CASR: variants seen among roughly 807,000 people sequenced by gnomAD.
CASR encodes calcium sensing receptor.
In CASR, 23 loss-of-function variants were observed where a neutral mutation model predicts 69.1. The observed-to-expected ratio is 0.33, with a 90% confidence interval of 0.24 to 0.47. The LOEUF (loss-of-function observed/expected upper bound fraction) is 0.47, where lower values mean the gene tolerates loss of function less well. Among genes scored for constraint, CASR ranks in the 20% least tolerant of loss-of-function variants. The probability of loss-of-function intolerance (pLI) is 1.00; values close to 1 mark genes in which losing one functional copy is unlikely to be tolerated. For missense variants in CASR, 924 were observed against 1,356.1 expected (o/e 0.68, Z 5.00); for synonymous variants, 541 against 544.7 (o/e 0.99, Z 0.10).
At chr3:122,276,808 C>T (rs1174808500) in intron 5 of CASR, among the ~76,000 whole-genome samples, 1 of 152,096 alleles carries the variant, frequency 6.6e-6, no homozygotes, top group Non-Finnish European at 1.5e-5. Flanking sequence ...AACCAGAAGC[C>T]CACCCCTCAG....
Position 122,291,127 on chromosome 3 carries a change from C to CTATAT in CASR, c.*5936_*5937insTATAT, listed in dbSNP as rs2075009041. On this transcript the variant is annotated 3_prime_UTR_variant, in exon 7 of 7. Coordinates refer to ENST00000639785, the MANE Select transcript of CASR (RefSeq NM_000388.4). ...GCCACATTTTCTTAATCCAGTCTATCGTTGTTGGACATTTGGGTTGGTTCC... is the reference window on the plus strand; with the variant it reads ...GCCACATTTTCTTAATCCAGTCTATCTATATGTTGTTGGACATTTGGGTTGGTTCC... 1.4e-5 allele frequency: 2 copies of CTATAT among 139,542 alleles called. No individual in the cohort carries two copies. The highest frequency in any genetic ancestry group is 3.1e-5 in the Non-Finnish European group (2 of 63,874). 8.6% of individuals were successfully genotyped at this position (139,542 alleles called of 1,614,324 possible).
chr3:122,282,203 G>C lies in CASR; in HGVS notation c.1699G>C (p.Glu567Gln). The part of the protein sequence containing the change: ...GEPTCCFECV[E>Q]CPDGEYSDET... The stretch of plus-strand genomic sequence containing the variant: ...GCCCACCTGCTGCTTTGAGTGTGTG[G>C]AGTGTCCTGATGGGGAGTATAGTGA... Residue 567 changes from glutamate (E) to glutamine (Q), a missense_variant, in exon 6 of 7, where the codon GAG (glutamate) becomes CAG (glutamine). Around this residue, in one of 8 missense-constraint regions of CASR, gnomAD observed 18 missense variants for 57.9 expected, o/e 0.31. Coordinates refer to ENST00000639785, the MANE Select transcript of CASR (RefSeq NM_000388.4). The C allele has an allele frequency of 1.2e-6, 2 of 1,614,198 alleles. No homozygotes were observed. The highest frequency in any genetic ancestry group is 1.7e-6 in the Non-Finnish European group (2 of 1,180,028).
intron 1 of CASR, among the ~76,000 whole-genome samples, chr3:122,189,165 A>T (rs376401084): frequency 6.6e-6 from 1 of 152,236 alleles, no homozygotes; most frequent in Admixed American, 6.5e-5. Context: ...TGCCGTGGAC[A>T]GTCTAGTTTG....
chr3:122,215,012 G>C (rs2074103176), intron 1 of CASR, among the ~76,000 whole-genome samples: 1 of 152,240 alleles, frequency 6.6e-6, no homozygotes, highest in Non-Finnish European at 1.5e-5. Flanking sequence ...AAGGAAGCAG[G>C]TAGAAGAAGG....
In CASR at chr3:122,254,255, A is replaced by G. The variant is rs2107624825; in HGVS notation, c.66A>G (p.Pro22=). Residue 22 remains proline (P), a synonymous_variant, in exon 2 of 7, where the codon CCA becomes CCG. Coordinates refer to ENST00000639785, the MANE Select transcript of CASR (RefSeq NM_000388.4). ...CCTGGCACACCTCTGCCTACGGGCCAGACCAGCGAGCCCAAAAGAAGGGGG... is the reference window on the plus strand; with the variant it reads ...CCTGGCACACCTCTGCCTACGGGCCGGACCAGCGAGCCCAAAAGAAGGGGG... The part of the protein sequence containing the change: ...ALTWHTSAYG[P]DQRAQKKGDI... 1 of 1,614,034 alleles carries G rather than the reference A, an allele frequency of 6.2e-7. No homozygotes were observed. Among genetic ancestry groups the G allele is most frequent in the Non-Finnish European group, 8.5e-7 (1 of 1,180,012 alleles).
chr3:122,206,257 G>C (rs1463920363), intron 1 of CASR, among the ~76,000 whole-genome samples: 3 of 108,306 alleles, frequency 2.8e-5, no homozygotes, highest in Admixed American at 2.5e-4. Context: ...TCTATGCCCA[G>C]TTTGATGAGG....
intron 6 of CASR, 71 bp from the exon 7 acceptor site, chr3:122,283,616 C>A: frequency 8.0e-7 from 1 of 1,244,194 alleles, no homozygotes; most frequent in Non-Finnish European, 1.2e-6. Context: ...GTATTCCCAC[C>A]ACCACATGTA....
intron 4 of CASR, among the ~76,000 whole-genome samples, chr3:122,263,595 G>T (rs907120948): frequency 6.6e-6 from 1 of 152,120 alleles, no homozygotes; most frequent in Non-Finnish European, 1.5e-5. Flanking sequence ...GAAGCAAAAA[G>T]CACACAACTT....
chr3:122,221,275 C>A (rs928470092), intron 1 of CASR, among the ~76,000 whole-genome samples: 3 of 152,162 alleles, frequency 2.0e-5, no homozygotes, highest in East Asian at 1.9e-4. Flanking sequence ...CATTCATTTT[C>A]TTTTCCCCTC....
intron 6 of CASR, 66 bp downstream of exon 6, chr3:122,282,302 GC>G: frequency 6.6e-7 from 1 of 1,507,732 alleles, no homozygotes; most frequent in Non-Finnish European, 9.2e-7. Flanking sequence ...GGTCAGTGAA[GC>G]CCATGGAAGG....
At chr3:122,204,017 T>G (rs28790111) in intron 1 of CASR, among the ~76,000 whole-genome samples, 2,840 of 152,304 alleles carry the variant, frequency 0.019, 84 homozygotes, top group African/African-American at 0.065. Flanking sequence ...GATAATTTAA[T>G]ACATTCATGT....
At chr3:122,253,304 C>T (rs1277562932) in intron 1 of CASR, among the ~76,000 whole-genome samples, 6 of 152,306 alleles carry the variant, frequency 3.9e-5, no homozygotes, top group East Asian at 1.9e-4. Flanking sequence ...TGCAATGGCA[C>T]GATCTCGGCT....
At chr3:122,228,997 T>C (rs535566967) in intron 1 of CASR, among the ~76,000 whole-genome samples, 1 of 152,288 alleles carries the variant, frequency 6.6e-6, no homozygotes, top group South Asian at 2.1e-4. Flanking sequence ...GTATTTACCA[T>C]CTTATTATAA....
intron 1 of CASR, among the ~76,000 whole-genome samples, chr3:122,191,819 T>C (rs2073842677): frequency 6.6e-6 from 1 of 152,176 alleles, no homozygotes; most frequent in Non-Finnish European, 1.5e-5. Context: ...ACATGGGTGG[T>C]GAAACATACA....
Position 122,284,407 on chromosome 3 carries a change from G to A in CASR, c.2453G>A (p.Trp818Ter). 6.2e-7 allele frequency: 1 copy of A among 1,613,998 alleles called. No homozygotes were observed. Among genetic ancestry groups the A allele is most frequent in the Non-Finnish European group, 8.5e-7 (1 of 1,180,036 alleles). Residue 818 changes from tryptophan to a stop codon, truncating the protein, a stop_gained, in exon 7 of 7, where the codon TGG (tryptophan) becomes TAG (stop). Transcript: ENST00000639785. LOFTEE classifies it high-confidence loss of function. ...AGCATGCTCATCTTCTTCATCGTCT[G>A]GATCTCCTTCATTCCAGCCTATGCC... The part of the protein sequence containing the change: ...TFSMLIFFIV[W>*]ISFIPAYAST...
intron 1 of CASR, among the ~76,000 whole-genome samples, chr3:122,202,118 G>C (rs2073961009): frequency 1.3e-5 from 2 of 152,266 alleles, no homozygotes; most frequent in South Asian, 4.1e-4. Context: ...CTGCACTCCA[G>C]CCTGGGCACC....
chr3:122,201,549 G>A (rs2073951114), intron 1 of CASR, among the ~76,000 whole-genome samples: 1 of 152,254 alleles, frequency 6.6e-6, no homozygotes, highest in Non-Finnish European at 1.5e-5. Context: ...GCTGGGCAGA[G>A]GGGCTCCTCA....
chr3:122,268,465 G>T (rs943904935), intron 4 of CASR, among the ~76,000 whole-genome samples: 1 of 152,178 alleles, frequency 6.6e-6, no homozygotes, highest in African/African-American at 2.4e-5. Context: ...CTCCTGAGAG[G>T]CTGCCAGATC....
chr3:122,232,033 A>C (rs1322508833), intron 1 of CASR, among the ~76,000 whole-genome samples: 1 of 152,036 alleles, frequency 6.6e-6, no homozygotes, highest in Non-Finnish European at 1.5e-5. Context: ...GGATCATCAG[A>C]TTCACCCTCC....
Sources: allele counts gnomAD v4.1 joint callset (sites outside exome capture counted in the v4.1 genomes callset), GRCh38; gene constraint gnomAD v4.1.1; regional missense constraint gnomAD v4.1.1; transcripts MANE v1.5; gene names NCBI Gene and HGNC (gene_info 2026-07-23, HGNC 2026-07-21).